PIGU: variants seen among roughly 807,000 people sequenced by gnomAD.
The protein encoded by PIGU is GPI-anchor transamidase component PIGU.
Under a neutral mutation model 49.9 loss-of-function variants are expected in PIGU, and 24 were observed. The ratio of observed to expected loss-of-function variants is 0.48; its 90% CI spans 0.35 to 0.68. The LOEUF is 0.68. PIGU is among the 30% of genes least tolerant of loss of function. The probability of loss-of-function intolerance (pLI) is 0.01; values close to 1 mark genes in which losing one functional copy is unlikely to be tolerated. For synonymous variants in PIGU, 220 were observed against 205.7 expected (o/e 1.07, Z -0.59); for missense variants, 490 against 532.6 (o/e 0.92, Z 0.79).
chr20:34,593,438 A>G (rs1487503901), intron 7 of PIGU, among the ~76,000 whole-genome samples: 2 of 152,226 alleles, frequency 1.3e-5, no homozygotes, highest in Non-Finnish European at 2.9e-5. Context: ...CTGATTAAAA[A>G]AATCATGAAG....
Position 34,597,920 on chromosome 20 carries a change from G to A in PIGU, c.628-9313C>T, listed in dbSNP as rs539892317. On this transcript the variant is annotated intron_variant, in intron 7 of 11. Transcript: ENST00000217446. ...AAAGAATGATTAACAAAAAATTCAC[G>A]GTAGGCCGGGCATGGTGGCTCATGC... 9.2e-5 allele frequency among the ~76,000 whole-genome samples: 14 copies of A among 152,218 alleles called. No homozygotes were observed. The South Asian group carries it at 1.9e-3, about 20-fold the overall frequency.
chr20:34,645,402 G>A, intron 2 of PIGU, 68 bp from the exon 3 acceptor site: 3 of 1,464,698 alleles, frequency 2.0e-6, no homozygotes, highest in Non-Finnish European at 2.7e-6. Context: ...TTCCAGAGTA[G>A]AGAGTGGGGA....
intron 7 of PIGU, among the ~76,000 whole-genome samples, chr20:34,595,111 A>AG (rs1371081079): frequency 1.3e-5 from 2 of 150,816 alleles, no homozygotes; most frequent in African/African-American, 2.4e-5. Flanking sequence ...AAAAAAAAAA[A>AG]AAAAAAAGAA....
intron 11 of PIGU, among the ~76,000 whole-genome samples, chr20:34,571,099 A>G: frequency 6.6e-6 from 1 of 152,202 alleles, no homozygotes; most frequent in East Asian, 1.9e-4. Context: ...TGCAACCTAG[A>G]GAAGTTAAAT....
At chr20:34,575,317 C>G in intron 10 of PIGU, 71 bp from the exon 11 acceptor site, 1 of 1,549,244 alleles carries the variant, frequency 6.5e-7, no homozygotes, top group Non-Finnish European at 8.8e-7. Context: ...GCAATGGCCC[C>G]CCTGAATGGA....
chr20:34,596,010 C>T (rs1331999827), intron 7 of PIGU, among the ~76,000 whole-genome samples: 4 of 152,034 alleles, frequency 2.6e-5, no homozygotes, highest in Admixed American at 6.6e-5. Context: ...CCCAGTCGGG[C>T]GATGGAGCGA....
chr20:34,565,189 C>T lies in PIGU; in HGVS notation c.1195-4210G>A, dbSNP rs1982693390. 2.0e-5 allele frequency among the ~76,000 whole-genome samples: 3 copies of T among 152,166 alleles called. No individual in the cohort carries two copies. In the South Asian group the frequency reaches 6.2e-4, roughly 32 times the overall value. On this transcript the variant is annotated intron_variant, in intron 11 of 11. Coordinates refer to ENST00000217446, the MANE Select transcript of PIGU (RefSeq NM_080476.5). ...TGTGATATTAAGTCTCTTCCTGTCC[C>T]CTGGGCTGCATTTTCCTCATCTGGA...
chr20:34,642,784 G>T (rs1411837807), intron 4 of PIGU, among the ~76,000 whole-genome samples: 3 of 86,312 alleles, frequency 3.5e-5, no homozygotes, highest in East Asian at 3.7e-4. Context: ...CTTTCAAAAA[G>T]TTTCACTCTG....
Position 34,581,592 on chromosome 20 carries a change from G to A in PIGU, c.1007C>T (p.Ala336Val), listed in dbSNP as rs200489188. ...CACGGGGAAGAAGGCCATGTAGAGC[G>A]CCACGTCCCCCACTGTCGGGTAGGA... ...FKSYPTVGDV[A>V]LYMAFFPVWN... is the part of the protein sequence containing the mutation. The change falls in exon 10 of 12, where the codon GCG (alanine) becomes GTG (valine). Residue 336 changes from alanine to valine, a missense_variant. Transcript: ENST00000217446. The A allele has an allele frequency of 8.7e-6, 14 of 1,613,884 alleles. No individual in the cohort carries two copies. Among genetic ancestry groups the A allele is most frequent in the East Asian group, 6.7e-5 (3 of 44,882 alleles).
In PIGU at chr20:34,634,521, T is replaced by A. The variant is rs1021154554; in HGVS notation, c.529+94A>T. ...TTTAAAAATGTTTTTAAGTGTTGCA[T>A]TAAAAAAAAAACAAAACAAAACCAC... On this transcript the variant is annotated intron_variant, in intron 6 of 11. Transcript: ENST00000217446. The A allele has an allele frequency of 1.1e-5, 15 of 1,421,036 alleles. No individual in the cohort carries two copies. In the African/African-American group the frequency reaches 2.1e-4, roughly 20 times the overall value. 88.0% of individuals were successfully genotyped at this position (1,421,036 alleles called of 1,614,324 possible). A position where few individuals can be genotyped will look rare whatever the true frequency, so the allele number is the denominator to read the frequency against.
chr20:34,585,533 A>C lies in PIGU; in HGVS notation c.830T>G (p.Phe277Cys), dbSNP rs755255947. 3.1e-6 allele frequency: 5 copies of C among 1,613,544 alleles called. No homozygotes were observed. Among genetic ancestry groups the C allele is most frequent in the Non-Finnish European group, 4.2e-6 (5 of 1,179,398 alleles). The change falls in exon 9 of 12, where the codon TTC becomes TGC. Residue 277 changes from phenylalanine to cysteine, a missense_variant. Phe to Cys is a radical substitution (Grantham distance 205, BLOSUM62 -2). Coordinates refer to ENST00000217446, the MANE Select transcript of PIGU (RefSeq NM_080476.5). ...LTPNIGLFWYFFAEMFEHFSL... is the reference protein window; with the variant it reads ...LTPNIGLFWYCFAEMFEHFSL... ...GAAGTGCTCAAACATCTCTGCAAAG[A>C]AGTACCAGAAAAGACCAATGTTTGG...
intron 2 of PIGU, among the ~76,000 whole-genome samples, chr20:34,655,399 C>T (rs1351749851): frequency 1.7e-5 from 2 of 120,076 alleles, no homozygotes; most frequent in African/African-American, 3.1e-5. Context: ...CAGTGGGACG[C>T]GGTGGCTCAC....
chr20:34,614,718 C>T (rs1288177480), intron 7 of PIGU, among the ~76,000 whole-genome samples: 2 of 151,892 alleles, frequency 1.3e-5, no homozygotes, highest in Non-Finnish European at 2.9e-5. Flanking sequence ...CTCAAATTCC[C>T]CAAATAAGAA....
chr20:34,593,060 G>C (rs1984055528), intron 7 of PIGU, among the ~76,000 whole-genome samples: 1 of 152,090 alleles, frequency 6.6e-6, no homozygotes, highest in South Asian at 2.1e-4. Context: ...AATTGGCCCA[G>C]GTGTGATGGC....
At chr20:34,676,699 G>GC (rs370125674) in intron 1 of PIGU, among the ~76,000 whole-genome samples, 27 of 152,114 alleles carry the variant, frequency 1.8e-4, no homozygotes, top group Middle Eastern at 3.4e-3. Flanking sequence ...AATGGGACAC[G>GC]CCCCCTCAGA....
chr20:34,585,606 G>GA, intron 8 of PIGU, 26 bp from the exon 9 acceptor site: 2 of 1,604,792 alleles, frequency 1.2e-6, no homozygotes, highest in Non-Finnish European at 1.7e-6. Context: ...CAAAGGGAGA[G>GA]AAAAAAGACA....
At chr20:34,657,481 GC>G (rs1986741053) in intron 1 of PIGU, among the ~76,000 whole-genome samples, 1 of 152,130 alleles carries the variant, frequency 6.6e-6, no homozygotes, top group Non-Finnish European at 1.5e-5. Flanking sequence ...TAAACTATCT[GC>G]TTCCTTTTAG....
intron 9 of PIGU, among the ~76,000 whole-genome samples, chr20:34,581,873 G>A (rs1237376363): frequency 6.6e-6 from 1 of 152,252 alleles, no homozygotes; most frequent in African/African-American, 2.4e-5. Flanking sequence ...CAGAGGTGGT[G>A]AGGAGGGCCT....
chr20:34,574,349 G>A (rs1336974781), intron 11 of PIGU, among the ~76,000 whole-genome samples: 1 of 152,234 alleles, frequency 6.6e-6, no homozygotes, highest in Non-Finnish European at 1.5e-5. Flanking sequence ...TTTTAAAACA[G>A]AGCCATGTAC....
Sources: allele counts gnomAD v4.1 joint callset (sites outside exome capture counted in the v4.1 genomes callset), GRCh38; gene constraint gnomAD v4.1.1; transcripts MANE v1.5; gene names NCBI Gene and HGNC (gene_info 2026-07-23, HGNC 2026-07-21).